NMNAT1: variants seen among roughly 807,000 people sequenced by gnomAD.
NMNAT1 encodes nicotinamide nucleotide adenylyltransferase 1.
NMNAT1 carries 11 observed loss-of-function variants against 16.7 expected under a neutral mutation model. That is an observed-to-expected ratio of 0.66 (90% CI 0.41 to 1.09). The LOEUF is 1.09. NMNAT1 is among the 50% of genes least tolerant of loss of function. The probability of loss-of-function intolerance (pLI) is 0.00; values close to 1 mark genes in which losing one functional copy is unlikely to be tolerated. For missense variants in NMNAT1, 280 were observed against 332.3 expected, an observed-to-expected ratio of 0.84 and a Z score of 1.22; for synonymous variants, 110 against 119.8, an observed-to-expected ratio of 0.92 and a Z score of 0.53.
At chr1:9,952,308 A>C (rs1641135816) in intron 1 of NMNAT1, 1 of 151,996 alleles carries the variant, frequency 6.6e-6, no homozygotes, top group African/African-American at 2.4e-5. Context: ...TCTCAAAGAA[A>C]AAAAAAGAAA....
downstream of NMNAT1, among the ~76,000 whole-genome samples, chr1:9,985,824 G>A (rs555548094): frequency 3.3e-5 from 5 of 152,260 alleles, no homozygotes; most frequent in East Asian, 1.9e-4. Context: ...TACCACGCCT[G>A]GCTAATTTTT....
At position 9,968,080 on chromosome 1, in the gene NMNAT1, G is replaced by GTTTTTTTTTTTTTTTTT. The variant is rs6143117; in HGVS notation, c.-56-3929_-56-3928insTTTTTTTTTTTTTTTTT. Reference sequence around the variant, plus strand: ...TTTGCCAAATGTAGTTTTTTTTTTTGTTTTTTTTTGAGATGGAGTCTCGCT... The same window carrying GTTTTTTTTTTTTTTTTT: ...TTTGCCAAATGTAGTTTTTTTTTTTGTTTTTTTTTTTTTTTTTTTTTTTTTTGAGATGGAGTCTCGCT... On this transcript the variant is annotated intron_variant, in intron 1 of 4. Coordinates refer to ENST00000377205, the MANE Select transcript of NMNAT1 (RefSeq NM_022787.4). Among the ~76,000 whole-genome samples, 41 of 117,794 alleles carry GTTTTTTTTTTTTTTTTT rather than the reference G, an allele frequency of 3.5e-4. 1 individual carries two copies. The highest frequency in any genetic ancestry group is 4.5e-4 in the Admixed American group (4 of 8,878). 77.3% of individuals were successfully genotyped at this position (117,794 alleles called of 152,430 possible).
the NMNAT1 span, among the ~76,000 whole-genome samples, chr1:9,996,301 C>A: frequency 5.2e-3 from 645 of 124,518 alleles, 5 homozygotes; most frequent in Middle Eastern, 0.013. Context: ...CAGAGCGAGA[C>A]TCCGTCTCAA....
At chr1:9,982,167 C>A (rs1641962561) in intron 4 of NMNAT1, 134 bp from the exon 5 acceptor site, 1 of 1,220,220 alleles carries the variant, frequency 8.2e-7, no homozygotes, top group Non-Finnish European at 1.1e-6. Context: ...TCGGCCTAAG[C>A]CCTCATCCTT....
At chr1:9,961,536 T>C (rs1641407333) in intron 1 of NMNAT1, among the ~76,000 whole-genome samples, 1 of 152,140 alleles carries the variant, frequency 6.6e-6, no homozygotes, top group South Asian at 2.1e-4. Context: ...GTAGTTTTTA[T>C]GGGTATCGAG....
intron 1 of NMNAT1, among the ~76,000 whole-genome samples, chr1:9,945,190 C>T (rs778129548): frequency 2.6e-5 from 4 of 152,020 alleles, no homozygotes; most frequent in South Asian, 4.1e-4. Flanking sequence ...GCCAAGATCA[C>T]GACGCTGCAC....
intron 3 of NMNAT1, among the ~76,000 whole-genome samples, chr1:9,979,539 G>A (rs969849688): frequency 2.0e-5 from 3 of 152,022 alleles, no homozygotes; most frequent in African/African-American, 7.2e-5. Context: ...AGTGGCTCAC[G>A]CCTGTAATCC....
chr1:9,960,954 A>G (rs1479633443), intron 1 of NMNAT1, among the ~76,000 whole-genome samples: 4 of 152,214 alleles, frequency 2.6e-5, no homozygotes, highest in Non-Finnish European at 4.4e-5. Flanking sequence ...GGAAAGGGAC[A>G]GACCCTAGTT....
intron 1 of NMNAT1, among the ~76,000 whole-genome samples, chr1:9,958,687 C>T (rs1428118176): frequency 6.6e-6 from 1 of 152,078 alleles, no homozygotes; most frequent in African/African-American, 2.4e-5. Flanking sequence ...ATCCGCCCAC[C>T]TCTGTCTCCC....
chr1:9,964,240 AG>A (rs1404210250), intron 1 of NMNAT1, among the ~76,000 whole-genome samples: 2 of 151,490 alleles, frequency 1.3e-5, no homozygotes, highest in East Asian at 4.0e-4. Context: ...CTGTAATCCC[AG>A]CACTTTGAGA....
intron 1 of NMNAT1, among the ~76,000 whole-genome samples, chr1:9,967,147 C>T (rs570385015): frequency 2.6e-5 from 4 of 152,138 alleles, no homozygotes; most frequent in East Asian, 3.9e-4. Flanking sequence ...TTGCTTAAAC[C>T]TGGGAGGCAG....
chr1:9,950,623 G>C (rs937635585), intron 1 of NMNAT1: 1 of 152,330 alleles, frequency 6.6e-6, no homozygotes, highest in Non-Finnish European at 1.5e-5. Flanking sequence ...TGGCCCGCCA[G>C]ATCAGCCCCA....
At position 9,984,039 on chromosome 1, in the gene NMNAT1, A is replaced by T. The variant is rs1642004440; in HGVS notation, c.*1338A>T. ...CCCTTGCAGGAGCCCTGGTAAGGGT[A>T]CAATGATCCTATTGTTTTTTGTTTT... On this transcript the variant is annotated 3_prime_UTR_variant, in exon 5 of 5. Transcript: ENST00000377205. 6.6e-6 allele frequency: 1 copy of T among 152,156 alleles called. No individual in the cohort carries two copies. The highest frequency in any genetic ancestry group is 2.4e-5 in the African/African-American group (1 of 41,406). The allele number at this position is 152,156 out of a possible 1,614,324, so 9.4% of individuals were successfully genotyped here.
In NMNAT1 at chr1:9,975,581, T is replaced by C. The variant is rs750115467; in HGVS notation, c.116-11T>C. ...TGTTATACCTAGTGTGAAACCTAAC[T>C]TTTTATCTAGGAAGGTACACAGTTG... is the stretch of plus-strand genomic sequence containing the variant. On this transcript the variant is annotated splice_polypyrimidine_tract_variant and intron_variant, in intron 2 of 4. Transcript: ENST00000377205. The C allele has an allele frequency of 4.9e-5, 78 of 1,589,828 alleles. No homozygotes were observed. Among genetic ancestry groups the C allele is most frequent in the Admixed American group, 7.4e-5 (4 of 54,146 alleles).
intron 1 of NMNAT1, among the ~76,000 whole-genome samples, chr1:9,963,060 G>A (rs1449439051): frequency 2.6e-5 from 4 of 151,564 alleles, no homozygotes; most frequent in African/African-American, 9.7e-5. Context: ...ACCTTCAAAG[G>A]TTCCCATTGT....
At chr1:9,987,940 A>C (rs1313104694), downstream of NMNAT1, among the ~76,000 whole-genome samples, 2 of 152,218 alleles carry the variant, frequency 1.3e-5, no homozygotes, top group East Asian at 3.9e-4. Flanking sequence ...CAAAATTTTT[A>C]TTTACTTACT....
chr1:9,964,791 T>C (rs1641503055), intron 1 of NMNAT1, among the ~76,000 whole-genome samples: 1 of 149,560 alleles, frequency 6.7e-6, no homozygotes, highest in Admixed American at 6.7e-5. Flanking sequence ...CTACTAAAAA[T>C]ACAAAAAATT....
chr1:9,974,463 A>T (rs982799017), intron 2 of NMNAT1, among the ~76,000 whole-genome samples: 1 of 149,566 alleles, frequency 6.7e-6, no homozygotes, highest in African/African-American at 2.5e-5. Flanking sequence ...ATCTCAGCTC[A>T]CTGCAAACTC....
intron 2 of NMNAT1, among the ~76,000 whole-genome samples, chr1:9,973,386 C>T (rs1394288039): frequency 6.6e-6 from 1 of 152,130 alleles, no homozygotes. Flanking sequence ...CAGGCATGAG[C>T]TACCATACCC....
Sources: allele counts gnomAD v4.1 joint callset (sites outside exome capture counted in the v4.1 genomes callset), GRCh38; gene constraint gnomAD v4.1.1; transcripts MANE v1.5; gene names NCBI Gene and HGNC (gene_info 2026-07-23, HGNC 2026-07-21).